Variants in NDUFA12 observed in about 807,000 individuals in gnomAD.
The protein encoded by NDUFA12 is NADH dehydrogenase [ubiquinone] 1 alpha subcomplex subunit 12.
Under a neutral mutation model 20.3 loss-of-function variants are expected in NDUFA12, and 17 were observed. That is an observed-to-expected ratio of 0.84 (90% confidence interval 0.57 to 1.26). NDUFA12 has a LOEUF of 1.26. NDUFA12 is among the 50% of genes most tolerant of loss of function. NDUFA12 has a pLI of 0.00. For synonymous variants in NDUFA12, 72 were observed against 63.6 expected (o/e 1.13, Z -0.63); for missense variants, 191 against 183.7 (o/e 1.04, Z -0.23).
At chr12:94,984,750 AAT>A (rs1491184882) in intron 3 of NDUFA12, among the ~76,000 whole-genome samples, 2 of 143,750 alleles carry the variant, frequency 1.4e-5, no homozygotes, top group Admixed American at 7.0e-5. Flanking sequence ...ATATATATAT[AAT>A]ATATATATAT....
intron 3 of NDUFA12, among the ~76,000 whole-genome samples, chr12:94,973,328 AG>A (rs1873952078): frequency 6.6e-6 from 1 of 152,230 alleles, no homozygotes; most frequent in South Asian, 2.1e-4. Flanking sequence ...CATCCTCTAA[AG>A]GAAGCTGGGG....
At position 95,003,671 on chromosome 12, in the gene NDUFA12, C is replaced by G. The variant is rs1393938292; in HGVS notation, c.10G>C (p.Val4Leu). The G allele has an allele frequency of 6.2e-7, 1 of 1,614,096 alleles. No individual in the cohort carries two copies. The highest frequency in any genetic ancestry group is 1.1e-5 in the South Asian group (1 of 91,088). MELVQVLKRGLQQI... is the reference protein window; with the variant it reads MELLQVLKRGLQQI... ...TGCAGCCCGCGTTTCAGGACCTGCACTAACTCCATCTTGCCTCGCTGGCCC... is the reference window on the plus strand; with the variant it reads ...TGCAGCCCGCGTTTCAGGACCTGCAGTAACTCCATCTTGCCTCGCTGGCCC... Residue 4 changes from valine (V) to leucine (L), a missense_variant, in exon 1 of 4, where the codon GTG (valine) becomes CTG (leucine). Val to Leu is a conservative substitution (Grantham distance 32, BLOSUM62 1). Coordinates refer to ENST00000327772, the MANE Select transcript of NDUFA12 (RefSeq NM_018838.5).
In NDUFA12 at chr12:95,002,203, G is replaced by A. The variant is rs1163439633; in HGVS notation, c.169+536C>T. On this transcript the variant is annotated intron_variant, in intron 2 of 3. Coordinates refer to ENST00000327772, the MANE Select transcript of NDUFA12 (RefSeq NM_018838.5). The stretch of plus-strand genomic sequence containing the variant: ...ACGCCTGTAATCCCAGCACTTTGGG[G>A]GGCCAAGGCGGGTGGATCACGAGGT... 5.8e-4 allele frequency among the ~76,000 whole-genome samples: 87 copies of A among 150,564 alleles called. 1 individual carries two copies. Among genetic ancestry groups the A allele is most frequent in the South Asian group, 4.4e-3 (21 of 4,774 alleles).
chr12:94,971,870 C>A (rs567763037), intron 3 of NDUFA12: 4 of 672,988 alleles, frequency 5.9e-6, no homozygotes, highest in Non-Finnish European at 1.1e-5. Context: ...GTGGCAGATA[C>A]GCAACAAATG....
chr12:94,972,340 T>C (rs1206641133), intron 3 of NDUFA12: 3 of 345,666 alleles, frequency 8.7e-6, no homozygotes, highest in Non-Finnish European at 1.8e-5. Flanking sequence ...CTACTGATTA[T>C]AATATGTATC....
chr12:94,990,776 T>A (rs1184720785), intron 3 of NDUFA12, among the ~76,000 whole-genome samples: 1 of 152,070 alleles, frequency 6.6e-6, no homozygotes, highest in African/African-American at 2.4e-5. Context: ...TTCTTCAAAT[T>A]ACATCACTGA....
intron 2 of NDUFA12, among the ~76,000 whole-genome samples, chr12:94,999,911 G>A (rs1874965130): frequency 6.6e-6 from 1 of 152,228 alleles, no homozygotes; most frequent in African/African-American, 2.4e-5. Flanking sequence ...ATGGAAAACA[G>A]TAAGGAGATT....
In NDUFA12 at chr12:95,002,834, A is replaced by G; in HGVS notation, c.87-13T>C. 6.3e-7 allele frequency: 1 copy of G among 1,596,718 alleles called. No homozygotes were observed. The highest frequency in any genetic ancestry group is 1.7e-4 in the Middle Eastern group (1 of 6,032). On this transcript the variant is annotated splice_polypyrimidine_tract_variant and intron_variant, in intron 1 of 3. Transcript: ENST00000327772. ...CGCATCATTTGTCCTGTGAATACCC[A>G]AAAGAAAACAGACATTTTAGAATGA...
intron 3 of NDUFA12, among the ~76,000 whole-genome samples, chr12:94,991,219 G>C (rs752683065): frequency 3.3e-5 from 5 of 151,944 alleles, no homozygotes; most frequent in Non-Finnish European, 7.4e-5. Context: ...CCAGGAAGTC[G>C]AGACTGATTG....
At chr12:94,979,377 A>C (rs2136060864) in intron 3 of NDUFA12, among the ~76,000 whole-genome samples, 1 of 152,332 alleles carries the variant, frequency 6.6e-6, no homozygotes, top group Non-Finnish European at 1.5e-5. Context: ...AATTCTCCAG[A>C]TTTCCAAATT....
At chr12:94,996,348 C>CAA (rs879426638) in intron 2 of NDUFA12, among the ~76,000 whole-genome samples, 1 of 149,034 alleles carries the variant, frequency 6.7e-6, no homozygotes, top group Non-Finnish European at 1.5e-5. Flanking sequence ...CACACACACA[C>CAA]ACACACACAC....
chr12:94,994,109 G>T, intron 3 of NDUFA12, 61 bp downstream of exon 3: 1 of 1,453,876 alleles, frequency 6.9e-7, no homozygotes, highest in Non-Finnish European at 9.6e-7. Context: ...GGGTGACAGA[G>T]TGAGACCCTG....
chr12:94,971,948 G>A (rs1873901877), intron 3 of NDUFA12: 1 of 421,162 alleles, frequency 2.4e-6, no homozygotes, highest in Non-Finnish European at 4.5e-6. Flanking sequence ...TTGGAGACAG[G>A]GTCTCACTCT....
intron 3 of NDUFA12, among the ~76,000 whole-genome samples, chr12:94,973,961 C>G (rs1011766727): frequency 7.1e-6 from 1 of 140,106 alleles, no homozygotes; most frequent in African/African-American, 2.6e-5. Context: ...AAAACAGACT[C>G]TTGGGTCTTT....
At chr12:94,980,926 C>T (rs928511112) in intron 3 of NDUFA12, among the ~76,000 whole-genome samples, 5 of 151,814 alleles carry the variant, frequency 3.3e-5, no homozygotes, top group South Asian at 2.1e-4. Context: ...TTTATACAGC[C>T]GTGCATGAAA....
chr12:94,995,404 TAC>T (rs1244209438), intron 2 of NDUFA12, among the ~76,000 whole-genome samples: 2 of 152,176 alleles, frequency 1.3e-5, no homozygotes, highest in Non-Finnish European at 2.9e-5. Context: ...GCCCTGACAA[TAC>T]AGTTAGGCTA....
chr12:94,972,454 G>C (rs1249471773), intron 3 of NDUFA12: 1 of 454,478 alleles, frequency 2.2e-6, no homozygotes, highest in Non-Finnish European at 4.4e-6. Context: ...AGGTTACTCT[G>C]GCTCATGAAG....
chr12:94,985,913 C>A lies in NDUFA12; in HGVS notation c.257+8257G>T, dbSNP rs541286473. On this transcript the variant is annotated intron_variant, in intron 3 of 3. Transcript: ENST00000327772. ...CAGCCTGGCCAATATGGTGAAACCC[C>A]GTCTCTACTAAAAATACAAAAGTTA... Among the ~76,000 whole-genome samples the A allele has an allele frequency of 5.5e-4, 84 of 151,828 alleles. 1 individual carries two copies. In the South Asian group the frequency reaches 0.017, roughly 31 times the overall value.
intron 3 of NDUFA12, among the ~76,000 whole-genome samples, chr12:94,978,291 G>A (rs1330402302): frequency 1.3e-5 from 2 of 152,186 alleles, no homozygotes; most frequent in Non-Finnish European, 2.9e-5. Flanking sequence ...AACCAGTTGG[G>A]AGGTGACTGT....
Sources: allele counts gnomAD v4.1 joint callset (sites outside exome capture counted in the v4.1 genomes callset), GRCh38; gene constraint gnomAD v4.1.1; transcripts MANE v1.5; gene names NCBI Gene and HGNC (gene_info 2026-07-23, HGNC 2026-07-21).